Variants in EXOC4 observed in about 807,000 individuals in gnomAD.
EXOC4 encodes exocyst complex component 4.
A neutral mutation model predicts 107.2 loss-of-function variants in EXOC4; 71 were observed. That is an observed-to-expected ratio of 0.66 (90% confidence interval 0.55 to 0.81). EXOC4 has a LOEUF of 0.81. EXOC4 is among the 30% of genes least tolerant of loss of function. The pLI, the probability that EXOC4 is intolerant of heterozygous loss-of-function variation, is 0.00. For missense variants in EXOC4, 1,108 were observed against 1,189.6 expected (o/e 0.93, Z 1.01); for synonymous variants, 456 against 441.2 (o/e 1.03, Z -0.42).
chr7:133,468,345 C>A (rs1331290287), intron 7 of EXOC4, among the ~76,000 whole-genome samples: 3 of 58,160 alleles, frequency 5.2e-5, no homozygotes, highest in Admixed American at 2.3e-4. Flanking sequence ...CCTTTCCTTA[C>A]TGCAGAATAT....
chr7:133,484,206 C>T, intron 9 of EXOC4: 1 of 1,505,160 alleles, frequency 6.6e-7, no homozygotes, highest in Middle Eastern at 2.0e-4. Flanking sequence ...AATGAGATTT[C>T]TTTGGTGTTA....
At chr7:133,277,756 T>C (rs1281006890) in intron 2 of EXOC4, among the ~76,000 whole-genome samples, 1 of 152,184 alleles carries the variant, frequency 6.6e-6, no homozygotes, top group Non-Finnish European at 1.5e-5. Flanking sequence ...AATTGATTAA[T>C]GGGAAAATAA....
chr7:134,003,695 G>A (rs941928570), intron 15 of EXOC4, among the ~76,000 whole-genome samples: 8 of 151,784 alleles, frequency 5.3e-5, no homozygotes, highest in African/African-American at 1.9e-4. Flanking sequence ...TGGGCTTATG[G>A]AACAGCCTGT....
chr7:134,024,861 G>A (rs894173098), intron 17 of EXOC4, among the ~76,000 whole-genome samples: 7 of 152,186 alleles, frequency 4.6e-5, no homozygotes, highest in East Asian at 3.8e-4. Context: ...CTAAGGTGGC[G>A]GCAGTAGTAG....
chr7:133,330,675 CCTCACA>C (rs1361118294), intron 5 of EXOC4, among the ~76,000 whole-genome samples: 1 of 151,850 alleles, frequency 6.6e-6, no homozygotes, highest in African/African-American at 2.4e-5. Context: ...CCTCACAGTC[CCTCACA>C]GTCCCTCACA....
intron 10 of EXOC4, among the ~76,000 whole-genome samples, chr7:133,749,106 G>A (rs1039272785): frequency 7.2e-5 from 11 of 152,168 alleles, no homozygotes; most frequent in Non-Finnish European, 7.4e-5. Context: ...AAATACTTTT[G>A]TGCTTGCATT....
chr7:133,392,157 A>C (rs748666331), intron 7 of EXOC4, among the ~76,000 whole-genome samples: 1 of 152,202 alleles, frequency 6.6e-6, no homozygotes, highest in African/African-American at 2.4e-5. Context: ...GACAGAATTG[A>C]ATGTGTATCA....
At chr7:133,593,462 C>CTG (rs1801595581) in intron 9 of EXOC4, among the ~76,000 whole-genome samples, 2 of 152,148 alleles carry the variant, frequency 1.3e-5, no homozygotes, top group Non-Finnish European at 2.9e-5. Context: ...CCCTGAATCA[C>CTG]TAATGTGTAA....
chr7:134,001,865 T>G (rs567296517), intron 15 of EXOC4, among the ~76,000 whole-genome samples: 1 of 152,360 alleles, frequency 6.6e-6, no homozygotes, highest in South Asian at 2.1e-4. Context: ...TCACCAGTCC[T>G]CAGAACATCC....
intron 9 of EXOC4, among the ~76,000 whole-genome samples, chr7:133,486,896 T>C (rs1005135569): frequency 2.0e-5 from 3 of 152,206 alleles, no homozygotes; most frequent in Non-Finnish European, 4.4e-5. Context: ...AAATATACTT[T>C]CCTCAAGTCA....
intron 10 of EXOC4, among the ~76,000 whole-genome samples, chr7:133,779,759 G>A (rs1796422384): frequency 1.3e-5 from 2 of 152,078 alleles, no homozygotes; most frequent in Non-Finnish European, 2.9e-5. Context: ...TCAGCAGCCT[G>A]TAAAATGGAC....
chr7:133,818,111 A>G (rs1412224050), intron 11 of EXOC4, among the ~76,000 whole-genome samples: 1 of 152,190 alleles, frequency 6.6e-6, no homozygotes, highest in African/African-American at 2.4e-5. Flanking sequence ...AAAATAAAAT[A>G]ATCTGTCAGT....
At position 133,358,798 on chromosome 7, in the gene EXOC4, T is replaced by C. The variant is rs1419285782; in HGVS notation, c.1007+2225T>C. On this transcript the variant is annotated intron_variant, in intron 6 of 17. Coordinates refer to ENST00000253861, the MANE Select transcript of EXOC4 (RefSeq NM_021807.4). The stretch of plus-strand genomic sequence containing the variant: ...AGTTTCATCTTTTTTTTTTTCCCCT[T>C]GCCTAAACCCCTTCCAGAATTCACG... 2.0e-5 allele frequency among the ~76,000 whole-genome samples: 3 copies of C among 151,910 alleles called. No individual in the cohort carries two copies. The East Asian group carries it at 5.8e-4, about 29-fold the overall frequency.
At chr7:133,263,995 T>C (rs1251395333) in intron 1 of EXOC4, among the ~76,000 whole-genome samples, 1 of 152,134 alleles carries the variant, frequency 6.6e-6, no homozygotes, top group African/African-American at 2.4e-5. Context: ...TGTAAAACAT[T>C]GTTTCTGAGG....
chr7:133,367,748 T>C (rs937840530), intron 6 of EXOC4, among the ~76,000 whole-genome samples: 15 of 152,216 alleles, frequency 9.9e-5, no homozygotes, highest in Non-Finnish European at 1.9e-4. Flanking sequence ...ACCTTCCTTA[T>C]AGGGCTGCCC....
chr7:133,628,232 A>T (rs540761746), intron 9 of EXOC4, among the ~76,000 whole-genome samples: 2 of 152,314 alleles, frequency 1.3e-5, no homozygotes, highest in Admixed American at 1.3e-4. Context: ...ATATTGATTT[A>T]TGCTAGATTG....
intron 17 of EXOC4, among the ~76,000 whole-genome samples, chr7:134,043,054 A>G (rs1391124895): frequency 3.3e-5 from 5 of 152,288 alleles, no homozygotes; most frequent in African/African-American, 7.2e-5. Context: ...CAGTCAATCA[A>G]TCAATATAAT....
chr7:133,984,182 C>G (rs1164754282), intron 14 of EXOC4, among the ~76,000 whole-genome samples: 1 of 152,198 alleles, frequency 6.6e-6, no homozygotes, highest in African/African-American at 2.4e-5. Context: ...AGCACTGTTT[C>G]CTGAGTAACC....
At chr7:133,973,582 T>A (rs1329583895) in intron 14 of EXOC4, among the ~76,000 whole-genome samples, 2 of 152,056 alleles carry the variant, frequency 1.3e-5, no homozygotes, top group African/African-American at 4.8e-5. Context: ...CAGTTGAGAT[T>A]TTATGTGGAG....
Sources: gnomAD v4.1 joint callset for allele counts (sites outside exome capture counted in the v4.1 genomes callset) on GRCh38, gnomAD v4.1.1 for gene constraint, MANE v1.5 for transcripts, NCBI Gene and HGNC (gene_info 2026-07-23, HGNC 2026-07-21) for gene names.